Variants in DMD observed in about 807,000 individuals in gnomAD.
DMD encodes mutant dystrophin.
DMD carries 63 observed loss-of-function variants against 330.1 expected under a neutral mutation model. That is an observed-to-expected ratio of 0.19 (90% CI 0.16 to 0.24). DMD has a LOEUF of 0.24. DMD is among the 10% of genes least tolerant of loss of function. The pLI is 1.00. For synonymous variants in DMD, 1,223 were observed against 959.8 expected (o/e 1.27, Z -5.07); for missense variants, 3,344 against 2,684.1 (o/e 1.25, Z -5.43).
intron 61 of DMD, among the ~76,000 whole-genome samples, chrX:31,341,870 TGCGCGCGTGCGTGC>T (rs1166564068): frequency 1.3e-5 from 1 of 79,081 alleles, no homozygotes; most frequent in African/African-American, 5.1e-5. Context: ...TGATCTGGCG[TGCGCGCGTGCGTGC>T]GCGCGCGCAC....
At chrX:32,916,495 A>T (rs1205172228) in intron 2 of DMD, among the ~76,000 whole-genome samples, 1 of 111,855 alleles carries the variant, frequency 8.9e-6, no homozygotes, top group Admixed American at 9.6e-5. Context: ...ACATCATTAA[A>T]TTTACTTTAC....
chrX:32,586,989 A>T (rs1028433685), intron 13 of DMD, among the ~76,000 whole-genome samples: 3 of 111,767 alleles, frequency 2.7e-5, no homozygotes, highest in African/African-American at 9.7e-5. Context: ...TTAATTCACC[A>T]AATATAAAAT....
At chrX:32,609,662 T>C (rs947990236) in intron 12 of DMD, among the ~76,000 whole-genome samples, 7 of 111,509 alleles carry the variant, frequency 6.3e-5, no homozygotes, top group African/African-American at 2.3e-4. Context: ...TTTCACAATC[T>C]TGGCAACCCA....
At chrX:32,251,432 T>G (rs2097263290) in intron 43 of DMD, among the ~76,000 whole-genome samples, 2 of 111,345 alleles carry the variant, frequency 1.8e-5, no homozygotes, top group Non-Finnish European at 3.8e-5. Context: ...TCTTTTCTGT[T>G]CTCCAGCTCA....
intron 4 of DMD, 59 bp from the exon 5 acceptor site, chrX:32,823,446 A>G: frequency 1.3e-6 from 1 of 762,926 alleles, no homozygotes; most frequent in Non-Finnish European, 2.0e-6. Context: ...AGTTGCAATA[A>G]TAATAATAAT....
chrX:32,415,586 C>T (rs1603632982), intron 29 of DMD, among the ~76,000 whole-genome samples: 1 of 112,377 alleles, frequency 8.9e-6, no homozygotes. Flanking sequence ...AGAAAGTCTT[C>T]AACCATAATC....
At chrX:32,336,632 A>G (rs762339493) in intron 41 of DMD, among the ~76,000 whole-genome samples, 1 of 111,885 alleles carries the variant, frequency 8.9e-6, no homozygotes, top group East Asian at 2.8e-4. Flanking sequence ...ATTTGCATAC[A>G]TAAGTATAGG....
chrX:33,074,368 A>G (rs2148185902), intron 1 of DMD, among the ~76,000 whole-genome samples: 1 of 111,060 alleles, frequency 9.0e-6, no homozygotes, highest in Admixed American at 9.7e-5. Context: ...TTGCTCAATT[A>G]AACTCCTTTA....
At chrX:32,752,925 T>C (rs1027307170) in intron 7 of DMD, among the ~76,000 whole-genome samples, 4 of 111,085 alleles carry the variant, frequency 3.6e-5, no homozygotes, top group Non-Finnish European at 5.7e-5. Context: ...ATTGTGAGGC[T>C]TCCCCATCCA....
intron 50 of DMD, among the ~76,000 whole-genome samples, chrX:31,785,031 T>C (rs1355923959): frequency 8.9e-6 from 1 of 111,767 alleles, no homozygotes; most frequent in Non-Finnish European, 1.9e-5. Flanking sequence ...TTGAAGTAAC[T>C]AAAATGTCCA....
At position 31,802,306 on chromosome X, in the gene DMD, G is replaced by A. The variant is rs1172412542; in HGVS notation, c.7309+17669C>T. On this transcript the variant is annotated intron_variant, in intron 50 of 78. Coordinates refer to ENST00000357033, the MANE Select transcript of DMD (RefSeq NM_004006.3). ...AGGAGAGAAGAAATGAATGAGGAGA[G>A]ATTAGGTTTGGATGACAGTATTATT... Among the ~76,000 whole-genome samples, 22 of 110,814 alleles carry A rather than the reference G, an allele frequency of 2.0e-4. 2 individuals are homozygous for A. The highest frequency in any genetic ancestry group is 5.7e-5 in the Non-Finnish European group (3 of 52,949).
At chrX:32,248,480 C>T (rs2097250868) in intron 43 of DMD, among the ~76,000 whole-genome samples, 1 of 110,217 alleles carries the variant, frequency 9.1e-6, no homozygotes, top group Non-Finnish European at 1.9e-5. Context: ...TATTTGACAA[C>T]AATTAGTGAC....
chrX:31,803,046 TCA>T (rs2149355975), intron 50 of DMD, among the ~76,000 whole-genome samples: 1 of 112,106 alleles, frequency 8.9e-6, no homozygotes, highest in African/African-American at 3.2e-5. Context: ...TTCCTGAGAA[TCA>T]CAGAGAATTC....
At chrX:32,671,180 G>T (rs1258076434) in intron 9 of DMD, among the ~76,000 whole-genome samples, 1 of 109,589 alleles carries the variant, frequency 9.1e-6, no homozygotes, top group Non-Finnish European at 1.9e-5. Context: ...CTCTCACCTT[G>T]GATCTTTCAG....
intron 44 of DMD, among the ~76,000 whole-genome samples, chrX:32,137,361 A>G (rs781613139): frequency 3.2e-4 from 36 of 111,873 alleles, no homozygotes; most frequent in Non-Finnish European, 5.8e-4. Flanking sequence ...AAACCTAGGG[A>G]TGGAAAAAAC....
At chrX:32,759,990 C>T (rs1179836155) in intron 7 of DMD, among the ~76,000 whole-genome samples, 4 of 111,896 alleles carry the variant, frequency 3.6e-5, no homozygotes, top group Non-Finnish European at 7.5e-5. Context: ...AATTCTGAAG[C>T]AGAAAAATAC....
chrX:32,386,575 A>G (rs2097959560), intron 32 of DMD, 110 bp from the exon 33 acceptor site: 28 of 702,936 alleles, frequency 4.0e-5, no homozygotes, highest in Non-Finnish European at 5.6e-5. Context: ...CATGTTTGAA[A>G]TTTTAATAGA....
intron 13 of DMD, among the ~76,000 whole-genome samples, chrX:32,586,346 A>G (rs1345593070): frequency 1.8e-5 from 2 of 109,019 alleles, no homozygotes; most frequent in Non-Finnish European, 3.8e-5. Flanking sequence ...TATAAACTAT[A>G]TACATATATA....
At chrX:32,847,472 A>G (rs771679220) in intron 3 of DMD, among the ~76,000 whole-genome samples, 3 of 112,406 alleles carry the variant, frequency 2.7e-5, no homozygotes, top group South Asian at 3.7e-4. Flanking sequence ...TTTCTGTTCT[A>G]TAGTATACAT....
Sources: allele counts gnomAD v4.1 joint callset (sites outside exome capture counted in the v4.1 genomes callset), GRCh38; gene constraint gnomAD v4.1.1; transcripts MANE v1.5; gene names NCBI Gene and HGNC (gene_info 2026-07-23, HGNC 2026-07-21).